The following GABBR2 variants were observed in gnomAD, a reference collection of about 807,000 sequenced individuals.
GABBR2 encodes the protein gamma-aminobutyric acid type B receptor subunit 2, also known as G-protein coupled receptor 51.
In GABBR2, 23 loss-of-function variants were observed where a neutral mutation model predicts 105.6. That is an observed-to-expected ratio of 0.22 (90% CI 0.16 to 0.31). The LOEUF (loss-of-function observed/expected upper bound fraction) is 0.31, where lower values mean the gene tolerates loss of function less well. GABBR2 is among the 10% of genes least tolerant of loss of function. GABBR2 has a pLI of 1.00. For synonymous variants in GABBR2, 478 were observed against 499.7 expected (o/e 0.96, Z 0.58); for missense variants, 734 against 1,245.5 (o/e 0.59, Z 6.18).
intron 16 of GABBR2, among the ~76,000 whole-genome samples, chr9:98,300,967 T>A (rs1830459671): frequency 6.6e-6 from 1 of 152,154 alleles, no homozygotes; most frequent in South Asian, 2.1e-4. Context: ...GGTATGAAGA[T>A]CTTCTGGGTA....
At chr9:98,567,001 C>T (rs888716586) in intron 2 of GABBR2, among the ~76,000 whole-genome samples, 1 of 152,058 alleles carries the variant, frequency 6.6e-6, no homozygotes, top group Non-Finnish European at 1.5e-5. Context: ...TTTCAAATTC[C>T]CTCTCCAGTT....
chr9:98,607,545 G>T, intron 1 of GABBR2: 1 of 633,496 alleles, frequency 1.6e-6, no homozygotes, highest in Non-Finnish European at 2.8e-6. Flanking sequence ...AAAAGATAAA[G>T]GACCATTTAC....
chr9:98,452,224 C>A (rs1411572472), intron 7 of GABBR2, among the ~76,000 whole-genome samples: 2 of 152,162 alleles, frequency 1.3e-5, no homozygotes, highest in Non-Finnish European at 2.9e-5. Context: ...AAGAAATGCC[C>A]CAGCCAGCTC....
chr9:98,440,517 C>T (rs1172557321), intron 7 of GABBR2, among the ~76,000 whole-genome samples: 4 of 152,174 alleles, frequency 2.6e-5, no homozygotes, highest in Admixed American at 6.5e-5. Context: ...CACTTCCCCC[C>T]TTCTACAATT....
intron 7 of GABBR2, among the ~76,000 whole-genome samples, chr9:98,425,221 G>C (rs965910536): frequency 2.2e-4 from 32 of 147,250 alleles, no homozygotes; most frequent in Non-Finnish European, 3.7e-4. Context: ...GGAATGAATG[G>C]GTGAATGAAT....
intron 9 of GABBR2, 97 bp from the exon 10 acceptor site, chr9:98,389,101 G>C (rs927583276): frequency 1.9e-6 from 2 of 1,038,796 alleles, no homozygotes; most frequent in African/African-American, 1.6e-5. Flanking sequence ...CAGGCCCTGC[G>C]CACAAACTCT....
chr9:98,503,703 C>T (rs1284002337), intron 3 of GABBR2, among the ~76,000 whole-genome samples: 1 of 152,194 alleles, frequency 6.6e-6, no homozygotes, highest in Non-Finnish European at 1.5e-5. Context: ...CTGTCCCCCA[C>T]AGTTTCCATG....
chr9:98,609,291 C>A (rs1407299838), intron 1 of GABBR2, among the ~76,000 whole-genome samples: 1 of 152,162 alleles, frequency 6.6e-6, no homozygotes, highest in African/African-American at 2.4e-5. Context: ...CTCTGTCACC[C>A]ACCTCAGGTG....
At chr9:98,684,374 T>G (rs1830594855) in intron 1 of GABBR2, among the ~76,000 whole-genome samples, 1 of 152,140 alleles carries the variant, frequency 6.6e-6, no homozygotes, top group African/African-American at 2.4e-5. Context: ...AAACATAAAT[T>G]ACTTCTATAA....
intron 7 of GABBR2, among the ~76,000 whole-genome samples, chr9:98,422,066 C>G (rs917066713): frequency 1.3e-5 from 2 of 152,114 alleles, no homozygotes; most frequent in Non-Finnish European, 2.9e-5. Context: ...GGTCTAAAAT[C>G]AACGTGGTCT....
intron 3 of GABBR2, among the ~76,000 whole-genome samples, chr9:98,502,889 C>T (rs1430007130): frequency 6.6e-6 from 1 of 152,226 alleles, no homozygotes; most frequent in Non-Finnish European, 1.5e-5. Flanking sequence ...CTCTGTTTGT[C>T]CCTACCAGTC....
At chr9:98,637,955 T>C (rs1829903936) in intron 1 of GABBR2, among the ~76,000 whole-genome samples, 1 of 152,226 alleles carries the variant, frequency 6.6e-6, no homozygotes, top group South Asian at 2.1e-4. Flanking sequence ...AGTGTACATG[T>C]AGTATTCCAT....
At chr9:98,557,579 G>T (rs1000974446) in intron 2 of GABBR2, among the ~76,000 whole-genome samples, 2 of 152,178 alleles carry the variant, frequency 1.3e-5, no homozygotes, top group Non-Finnish European at 2.9e-5. Context: ...TATTCAAGAA[G>T]ATCCTCAGGG....
At chr9:98,705,885 C>T (rs750812505) in intron 1 of GABBR2, among the ~76,000 whole-genome samples, 3 of 151,628 alleles carry the variant, frequency 2.0e-5, no homozygotes, top group Admixed American at 6.6e-5. Context: ...AAGACCAGCC[C>T]GACCAACATG....
chr9:98,590,806 C>A (rs560220705), intron 1 of GABBR2, among the ~76,000 whole-genome samples: 1 of 152,340 alleles, frequency 6.6e-6, no homozygotes, highest in South Asian at 2.1e-4. Context: ...ATGGGTAAGA[C>A]TGGGTCCTTG....
Position 98,454,741 on chromosome 9 carries a change from C to G in GABBR2, c.1000-524G>C, listed in dbSNP as rs1315774709. 6.6e-6 allele frequency among the ~76,000 whole-genome samples: 1 copy of G among 152,274 alleles called. No individual in the cohort carries two copies. Among genetic ancestry groups the G allele is most frequent in the East Asian group, 1.9e-4 (1 of 5,184 alleles). ...GTTTCAGCAGCACAGAGGGAGCTGA[C>G]AGTGTGCTGCTCAGCCCACCCCTCC... On this transcript the variant is annotated intron_variant, in intron 6 of 18. Coordinates refer to ENST00000259455, the MANE Select transcript of GABBR2 (RefSeq NM_005458.8). The surrounding 1 kb of genome is among the most constrained non-coding windows in gnomAD (Gnocchi z 4.6).
chr9:98,319,044 G>C (rs1242040455), intron 13 of GABBR2, among the ~76,000 whole-genome samples: 2 of 151,982 alleles, frequency 1.3e-5, no homozygotes, highest in Non-Finnish European at 2.9e-5. Flanking sequence ...GCCTCTTTTG[G>C]GGTGCCAACA....
At chr9:98,557,125 A>T (rs1450729458) in intron 2 of GABBR2, among the ~76,000 whole-genome samples, 15 of 152,110 alleles carry the variant, frequency 9.9e-5, no homozygotes, top group Non-Finnish European at 2.9e-5. Flanking sequence ...ATAATAGAAG[A>T]TGAGGAGATG....
chr9:98,582,171 C>T (rs941695756), intron 1 of GABBR2, among the ~76,000 whole-genome samples: 2 of 152,156 alleles, frequency 1.3e-5, no homozygotes, highest in African/African-American at 4.8e-5. Context: ...AATCAGTTGA[C>T]CTTAAATTAT....
Sources: gnomAD v4.1 joint callset for allele counts (sites outside exome capture counted in the v4.1 genomes callset) on GRCh38, gnomAD v4.1.1 for gene constraint, Gnocchi (gnomAD v3.1) non-coding constraint, MANE v1.5 for transcripts, NCBI Gene and HGNC (gene_info 2026-07-23, HGNC 2026-07-21) for gene names.